The following EDA2R variants were observed in gnomAD, a reference collection of about 807,000 sequenced individuals.
EDA2R encodes the protein ectodysplasin A2 receptor, also known as tumor necrosis factor receptor superfamily member 27.
Under a neutral mutation model 20.1 loss-of-function variants are expected in EDA2R, and 26 were observed. The observed-to-expected ratio is 1.30, with a 90% CI of 0.95 to 1.80. The LOEUF (loss-of-function observed/expected upper bound fraction) is 1.80, where lower values mean the gene tolerates loss of function less well. EDA2R is among the 40% of genes most tolerant of loss of function. The pLI is 0.00. For synonymous variants in EDA2R, 114 were observed against 88.7 expected (o/e 1.29, Z -1.60); for missense variants, 277 against 228.7 (o/e 1.21, Z -1.36).
chrX:66,634,100 G>T (rs771366751), intron 1 of EDA2R, among the ~76,000 whole-genome samples: 1 of 111,758 alleles, frequency 8.9e-6, no homozygotes, highest in South Asian at 3.8e-4. Context: ...AAACCAGTGG[G>T]CATTTACAAG....
At chrX:66,628,091 G>C (rs746022039) in intron 1 of EDA2R, among the ~76,000 whole-genome samples, 15 of 110,973 alleles carry the variant, frequency 1.4e-4, no homozygotes, top group Admixed American at 1.2e-3. Flanking sequence ...ATGATCACTG[G>C]GTCAAATACA....
At chrX:66,605,839 C>T (rs1039969309) in intron 2 of EDA2R, among the ~76,000 whole-genome samples, 2 of 112,240 alleles carry the variant, frequency 1.8e-5, no homozygotes, top group Non-Finnish European at 3.8e-5. Flanking sequence ...GCACTACCCA[C>T]ATAAGTACTG....
Position 66,605,189 on chromosome X carries a change from G to C in EDA2R, c.125C>G (p.Thr42Arg). The C allele has an allele frequency of 8.3e-7, 1 of 1,209,454 alleles. No homozygotes were observed. The highest frequency in any genetic ancestry group is 1.1e-6 in the Non-Finnish European group (1 of 894,425). ...GYGEGGDAYC[T>R]ACPPRRYKSS... ...TTTGTACCTGCGAGGAGGGCAGGCTGTGCAGTAGGCATCTCCACCCTCTCC... is the reference window on the plus strand; with the variant it reads ...TTTGTACCTGCGAGGAGGGCAGGCTCTGCAGTAGGCATCTCCACCCTCTCC... The change falls in exon 3 of 7, where the codon ACA (threonine) becomes AGA (arginine). Residue 42 changes from threonine to arginine, a missense_variant. Physicochemically the swap from Thr to Arg is moderately conservative, Grantham distance 71. Coordinates refer to ENST00000374719, the MANE Select transcript of EDA2R (RefSeq NM_021783.5).
At chrX:66,626,685 C>CA (rs1425054442) in intron 1 of EDA2R, among the ~76,000 whole-genome samples, 2 of 104,806 alleles carry the variant, frequency 1.9e-5, no homozygotes, top group Non-Finnish European at 3.9e-5. Context: ...AAATTCATCT[C>CA]AAAAAAAATC....
intron 1 of EDA2R, among the ~76,000 whole-genome samples, chrX:66,634,053 G>A (rs1934099107): frequency 9.0e-6 from 1 of 110,877 alleles, no homozygotes; most frequent in Non-Finnish European, 1.9e-5. Flanking sequence ...CATCCTCATA[G>A]GCCTGGGAAT....
At chrX:66,634,993 G>A (rs1602342391) in intron 1 of EDA2R, among the ~76,000 whole-genome samples, 1 of 112,068 alleles carries the variant, frequency 8.9e-6, no homozygotes, top group East Asian at 2.8e-4. Flanking sequence ...GGACATCTCA[G>A]TGTCTGATTC....
intron 2 of EDA2R, among the ~76,000 whole-genome samples, chrX:66,610,720 G>C (rs910976148): frequency 9.0e-6 from 1 of 111,666 alleles, no homozygotes; most frequent in African/African-American, 3.3e-5. Flanking sequence ...TTATATACTT[G>C]TTTATTCATC....
chrX:66,626,925 A>T (rs1933153666), intron 1 of EDA2R, among the ~76,000 whole-genome samples: 2 of 110,863 alleles, frequency 1.8e-5, no homozygotes, highest in Non-Finnish European at 3.8e-5. Context: ...ATTTCTCAGC[A>T]GAAACCCTAC....
At chrX:66,634,283 G>A (rs1226474398) in intron 1 of EDA2R, among the ~76,000 whole-genome samples, 1 of 112,236 alleles carries the variant, frequency 8.9e-6, no homozygotes, top group Non-Finnish European at 1.9e-5. Context: ...GTGGAGGGAA[G>A]GTGAGACTGA....
chrX:66,636,448 A>C (rs911950542), intron 1 of EDA2R, among the ~76,000 whole-genome samples: 1 of 110,586 alleles, frequency 9.0e-6, no homozygotes, highest in Non-Finnish European at 1.9e-5. Context: ...ATCTCTGAAA[A>C]ACTGTCATGG....
At chrX:66,599,982 T>C (rs994542767) in intron 5 of EDA2R, 122 bp from the exon 6 acceptor site, 1 of 1,133,461 alleles carries the variant, frequency 8.8e-7, no homozygotes, top group Non-Finnish European at 1.2e-6. Context: ...TTCCTCTCCC[T>C]GGGGTCTAGA....
chrX:66,622,298 A>T (rs1240585683), intron 1 of EDA2R, among the ~76,000 whole-genome samples: 1 of 111,660 alleles, frequency 9.0e-6, no homozygotes, highest in African/African-American at 3.3e-5. Context: ...AAATTAGCTC[A>T]TCATGCCCTG....
At position 66,596,172 on chromosome X, in the gene EDA2R, CT is replaced by C. The variant is rs1312320041; in HGVS notation, c.*1931del. ...GTTGAAAATGTTTTTATCAAGTGTA[CT>C]TTGTTCTTCCACTGACCAATAACCC... On this transcript the variant is annotated 3_prime_UTR_variant, in exon 7 of 7. Coordinates refer to ENST00000374719, the MANE Select transcript of EDA2R (RefSeq NM_021783.5). 9.1e-6 allele frequency: 1 copy of C among 110,111 alleles called. No individual in the cohort carries two copies. The highest frequency in any genetic ancestry group is 1.9e-5 in the Non-Finnish European group (1 of 52,826). The allele number at this position is 110,111 out of a possible 1,213,427, so 9.1% of individuals were successfully genotyped here.
intron 5 of EDA2R, among the ~76,000 whole-genome samples, chrX:66,600,841 A>G (rs1415834736): frequency 8.9e-6 from 1 of 112,188 alleles, no homozygotes; most frequent in East Asian, 2.8e-4. Flanking sequence ...TTCATTAAAA[A>G]AAATCCAGAT....
chrX:66,618,744 G>C (rs1478457006), intron 1 of EDA2R, among the ~76,000 whole-genome samples: 1 of 111,967 alleles, frequency 8.9e-6, no homozygotes, highest in African/African-American at 3.2e-5. Flanking sequence ...TAGCAACATA[G>C]ATCATTTCTC....
chrX:66,619,762 C>G (rs1394186864), intron 1 of EDA2R, among the ~76,000 whole-genome samples: 2 of 111,764 alleles, frequency 1.8e-5, no homozygotes, highest in Non-Finnish European at 3.8e-5. Context: ...AATATCTGAT[C>G]TGTGTAACTC....
rs769082256 is a variant in EDA2R, at chrX:66,602,777, C to G, written c.373G>C (p.Val125Leu). ...EVQCAFQLSL[V>L]EADTPTVPPQ... The stretch of plus-strand genomic sequence containing the variant: ...GGCACTGTGGGTGTATCTGCCTCCA[C>G]TAAGCTCAACTGGAAGGCACCTGTG... Residue 125 changes from valine (V) to leucine (L), a missense_variant, in exon 5 of 7, where the codon GTG becomes CTG. Val to Leu is a conservative substitution (Grantham distance 32). Transcript: ENST00000374719. 1.3e-5 allele frequency: 15 copies of G among 1,189,821 alleles called. No individual in the cohort carries two copies. The East Asian group carries it at 4.6e-4, about 36-fold the overall frequency.
At chrX:66,605,310 T>TC in intron 2 of EDA2R, 84 bp from the exon 3 acceptor site, 1 of 924,866 alleles carries the variant, frequency 1.1e-6, no homozygotes. Context: ...CTGTACAGGG[T>TC]AGTATTTTGC....
Position 66,599,794 on chromosome X carries a change from C to A in EDA2R, c.584G>T (p.Ser195Ile), listed in dbSNP as rs755772191. 8 of 1,209,223 alleles carry A rather than the reference C, an allele frequency of 6.6e-6. No individual in the cohort carries two copies. In the South Asian group the frequency reaches 1.1e-4, roughly 16 times the overall value. The change falls in exon 6 of 7, where the codon AGC becomes ATC. Residue 195 changes from serine (S) to isoleucine (I), a missense_variant. Transcript: ENST00000374719. Reference sequence around the variant, plus strand: ...TTGGGACTCAGCACTGGTCTCCTTGCTGGGTGGCACGGGGAAGAGAGATTC... The same window carrying A: ...TTGGGACTCAGCACTGGTCTCCTTGATGGGTGGCACGGGGAAGAGAGATTC... ...KEESLFPVPP[S>I]KETSAESQVS...
Sources: gnomAD v4.1 joint callset for allele counts (sites outside exome capture counted in the v4.1 genomes callset) on GRCh38, gnomAD v4.1.1 for gene constraint, MANE v1.5 for transcripts, NCBI Gene and HGNC (gene_info 2026-07-23, HGNC 2026-07-21) for gene names.